Variants in SH3KBP1 observed in about 807,000 individuals in gnomAD.
SH3KBP1 encodes SH3 domain containing kinase binding protein 1.
In SH3KBP1, 8 loss-of-function variants were observed where a neutral mutation model predicts 50.1. The ratio of observed to expected loss-of-function variants is 0.16; its 90% CI spans 0.09 to 0.29. SH3KBP1 has a LOEUF of 0.29. SH3KBP1 is among the 10% of genes least tolerant of loss of function. The pLI, the probability that SH3KBP1 is intolerant of heterozygous loss-of-function variation, is 1.00. For synonymous variants in SH3KBP1, 227 were observed against 218.6 expected (o/e 1.04, Z -0.34); for missense variants, 377 against 535.2 (o/e 0.70, Z 2.92).
intron 8 of SH3KBP1, among the ~76,000 whole-genome samples, chrX:19,625,994 T>C (rs1256977579): frequency 1.8e-5 from 2 of 111,507 alleles, no homozygotes; most frequent in African/African-American, 3.3e-5. Context: ...AGAACACGCA[T>C]GGTCCCACCT....
intron 6 of SH3KBP1, among the ~76,000 whole-genome samples, chrX:19,652,971 C>A (rs1227540058): frequency 8.9e-6 from 1 of 111,751 alleles, no homozygotes; most frequent in Admixed American, 9.5e-5. Flanking sequence ...CAATAATTTT[C>A]TTTTTGTTGT....
chrX:19,662,819 CTTT>C (rs754310237), intron 6 of SH3KBP1, among the ~76,000 whole-genome samples: 2 of 91,656 alleles, frequency 2.2e-5, no homozygotes. Context: ...CCAGGACTGA[CTTT>C]TTTTTTTTTT....
intron 1 of SH3KBP1, among the ~76,000 whole-genome samples, chrX:19,873,284 A>ATACGTATATATATATATATATATATACG (rs1224185019): frequency 2.2e-5 from 2 of 89,139 alleles, no homozygotes; most frequent in African/African-American, 1.1e-4. Context: ...ATATATATAT[A>ATACGTATATATATATATATATATATACG]TATATGTATA....
At chrX:19,845,207 G>A (rs907465151) in intron 1 of SH3KBP1, among the ~76,000 whole-genome samples, 12 of 108,874 alleles carry the variant, frequency 1.1e-4, no homozygotes, top group African/African-American at 3.7e-4. Context: ...GGCCGGGCAC[G>A]GTGGCTCAAG....
intron 12 of SH3KBP1, among the ~76,000 whole-genome samples, chrX:19,587,085 G>A (rs976884599): frequency 1.8e-5 from 2 of 110,192 alleles, no homozygotes; most frequent in Non-Finnish European, 1.9e-5. Context: ...AGCCAGGCGT[G>A]GTGGCACATG....
chrX:19,813,153 C>CA (rs1212278891), intron 2 of SH3KBP1, among the ~76,000 whole-genome samples: 7 of 89,485 alleles, frequency 7.8e-5, no homozygotes, highest in Admixed American at 2.3e-4. Flanking sequence ...CAAAAACAAA[C>CA]AAAAAAAAAG....
chrX:19,682,773 T>C (rs1345126337), intron 6 of SH3KBP1, among the ~76,000 whole-genome samples: 2 of 109,464 alleles, frequency 1.8e-5, no homozygotes, highest in Non-Finnish European at 3.8e-5. Context: ...GTTCGAAAAG[T>C]TTCCTTTTCA....
intron 1 of SH3KBP1, among the ~76,000 whole-genome samples, chrX:19,868,875 T>C (rs1011381981): frequency 3.7e-5 from 4 of 109,091 alleles, no homozygotes; most frequent in African/African-American, 1.0e-4. Context: ...AGTATGTCCA[T>C]GCCCTAATTC....
intron 2 of SH3KBP1, among the ~76,000 whole-genome samples, chrX:19,802,882 C>T (rs1167972314): frequency 9.0e-6 from 1 of 111,669 alleles, no homozygotes; most frequent in African/African-American, 3.3e-5. Context: ...CAGATGCCCA[C>T]TGGACTGGGC....
In SH3KBP1 at chrX:19,682,451, A is replaced by C. The variant is rs753095949; in HGVS notation, c.726+1372T>G. 5.5e-5 allele frequency among the ~76,000 whole-genome samples: 6 copies of C among 109,813 alleles called. No homozygotes were observed. The South Asian group carries it at 2.4e-3, about 44-fold the overall frequency. On this transcript the variant is annotated intron_variant, in intron 6 of 17. Coordinates refer to ENST00000397821, the MANE Select transcript of SH3KBP1 (RefSeq NM_031892.3). ...AAAGGAATGAACTGTTTGCTGACTG[A>C]GTCAATGGTCGTTTTCACTTCAACC...
At chrX:19,838,090 AACAACAAC>A (rs1792770994) in intron 1 of SH3KBP1, among the ~76,000 whole-genome samples, 9 of 108,659 alleles carry the variant, frequency 8.3e-5, no homozygotes, top group African/African-American at 2.5e-4. Context: ...CAACAACAAC[AACAACAAC>A]AAACCAACTT....
intron 6 of SH3KBP1, among the ~76,000 whole-genome samples, chrX:19,660,356 T>A (rs1406742659): frequency 8.9e-6 from 1 of 112,564 alleles, no homozygotes; most frequent in Non-Finnish European, 1.9e-5. Context: ...ATGGTTTCGA[T>A]TACAACTTTT....
chrX:19,684,073 C>T (rs1294457983), intron 5 of SH3KBP1, 45 bp from the exon 6 acceptor site: 1 of 1,087,252 alleles, frequency 9.2e-7, no homozygotes, highest in Admixed American at 2.2e-5. Context: ...AGAAATCAGC[C>T]AGAGCCCTGA....
intron 3 of SH3KBP1, among the ~76,000 whole-genome samples, chrX:19,735,777 G>A (rs758383517): frequency 9.7e-6 from 1 of 103,171 alleles, no homozygotes; most frequent in East Asian, 3.1e-4. Context: ...AGGCTGGAGT[G>A]CAGCGGCGCG....
chrX:19,879,649 G>A (rs1395063046), intron 1 of SH3KBP1, among the ~76,000 whole-genome samples: 4 of 112,552 alleles, frequency 3.6e-5, no homozygotes, highest in Non-Finnish European at 7.5e-5. Flanking sequence ...TAACTACCTA[G>A]GTATCAACGG....
chrX:19,828,709 A>G (rs1194335844), intron 2 of SH3KBP1, among the ~76,000 whole-genome samples: 1 of 111,630 alleles, frequency 9.0e-6, no homozygotes, highest in East Asian at 2.8e-4. Flanking sequence ...ACTTGAGCCC[A>G]GGAGTTTGAA....
At chrX:19,586,644 A>G (rs1338843277) in intron 12 of SH3KBP1, among the ~76,000 whole-genome samples, 1 of 111,120 alleles carries the variant, frequency 9.0e-6, no homozygotes, top group Admixed American at 9.6e-5. Flanking sequence ...GGCCTCACCA[A>G]CTCAACAGGG....
intron 12 of SH3KBP1, among the ~76,000 whole-genome samples, chrX:19,577,947 A>G (rs1194930374): frequency 1.8e-5 from 2 of 110,864 alleles, no homozygotes. Flanking sequence ...AAAATTTGAC[A>G]AGGAGGAAAG....
At chrX:19,636,337 A>G (rs2061702772) in intron 7 of SH3KBP1, among the ~76,000 whole-genome samples, 1 of 110,161 alleles carries the variant, frequency 9.1e-6, no homozygotes, top group Non-Finnish European at 1.9e-5. Context: ...TTTCCAGAAA[A>G]AAAAAAACAC....
Sources: allele counts gnomAD v4.1 joint callset (sites outside exome capture counted in the v4.1 genomes callset), GRCh38; gene constraint gnomAD v4.1.1; transcripts MANE v1.5; gene names NCBI Gene and HGNC (gene_info 2026-07-23, HGNC 2026-07-21).